GLIS1: variants seen among roughly 807,000 people sequenced by gnomAD.
GLIS1 encodes zinc finger protein GLIS1.
A neutral mutation model predicts 63.8 loss-of-function variants in GLIS1; 24 were observed. The observed-to-expected ratio is 0.38, with a 90% CI of 0.27 to 0.53. The LOEUF is 0.53. GLIS1 is among the 20% of genes least tolerant of loss of function. The pLI is 0.85. For synonymous variants in GLIS1, 450 were observed against 482.5 expected (o/e 0.93, Z 0.88); for missense variants, 1,036 against 1,074.1 (o/e 0.96, Z 0.50).
At position 53,657,059 on chromosome 1, in the gene GLIS1, T is replaced by C. The variant is rs141957981; in HGVS notation, c.260-56781A>G. On this transcript the variant is annotated intron_variant, in intron 2 of 10. Transcript: ENST00000628545. Reference sequence around the variant, plus strand: ...CCTTTGACAAAGGAGACATCACTCATAGACAGCAAGTGGCTGAAGCTGGGT... The same window carrying C: ...CCTTTGACAAAGGAGACATCACTCACAGACAGCAAGTGGCTGAAGCTGGGT... Among the ~76,000 whole-genome samples the C allele has an allele frequency of 2.6e-5, 4 of 152,278 alleles. No homozygotes were observed. The East Asian group carries it at 5.8e-4, about 22-fold the overall frequency.
chr1:53,510,099 G>A, intron 8 of GLIS1, 72 bp from the exon 9 acceptor site: 1 of 863,688 alleles, frequency 1.2e-6, no homozygotes, highest in South Asian at 6.0e-5. Flanking sequence ...GGCTGCTGCG[G>A]CTTACACCCC....
At chr1:53,689,027 C>T (rs976116894) in intron 2 of GLIS1, among the ~76,000 whole-genome samples, 1 of 152,206 alleles carries the variant, frequency 6.6e-6, no homozygotes, top group African/African-American at 2.4e-5. Context: ...CTTCCTCAAG[C>T]CCCCTGCTTT....
intron 2 of GLIS1, among the ~76,000 whole-genome samples, chr1:53,717,178 C>T (rs1207858147): frequency 2.0e-5 from 3 of 152,182 alleles, no homozygotes; most frequent in South Asian, 4.1e-4. Flanking sequence ...GCTGTGATCA[C>T]GGCCAAGGTA....
intron 2 of GLIS1, among the ~76,000 whole-genome samples, chr1:53,679,945 C>T (rs1437981518): frequency 6.6e-6 from 1 of 152,192 alleles, no homozygotes; most frequent in African/African-American, 2.4e-5. Flanking sequence ...ACCCCATGTT[C>T]CTGTGGCACC....
At chr1:53,726,564 G>A (rs1384190201) in intron 2 of GLIS1, among the ~76,000 whole-genome samples, 1 of 152,084 alleles carries the variant, frequency 6.6e-6, no homozygotes, top group Admixed American at 6.5e-5. Context: ...CAATAAACTA[G>A]GGAAGAGGTG....
chr1:53,554,187 G>T (rs1025593265), intron 4 of GLIS1, among the ~76,000 whole-genome samples: 7 of 152,172 alleles, frequency 4.6e-5, no homozygotes, highest in African/African-American at 1.7e-4. Flanking sequence ...TTTCCCATCT[G>T]CTCTCTCATC....
intron 2 of GLIS1, among the ~76,000 whole-genome samples, chr1:53,616,937 A>G (rs1645488956): frequency 6.8e-6 from 1 of 147,562 alleles, no homozygotes; most frequent in African/African-American, 2.5e-5. Flanking sequence ...CCCCAACCCC[A>G]TCTCCACCCC....
chr1:53,712,377 G>A (rs909515577), intron 2 of GLIS1, among the ~76,000 whole-genome samples: 7 of 152,332 alleles, frequency 4.6e-5, no homozygotes, highest in Admixed American at 4.6e-4. Flanking sequence ...TAAATAGCAA[G>A]GGCCCAGAAT....
At chr1:53,521,807 G>C (rs956437957) in intron 6 of GLIS1, among the ~76,000 whole-genome samples, 6 of 152,274 alleles carry the variant, frequency 3.9e-5, no homozygotes, top group African/African-American at 1.4e-4. Flanking sequence ...GCCAGGATGG[G>C]AACAGGGTGA....
At chr1:53,725,756 T>C (rs534017864) in intron 2 of GLIS1, among the ~76,000 whole-genome samples, 1 of 152,214 alleles carries the variant, frequency 6.6e-6, no homozygotes, top group Non-Finnish European at 1.5e-5. Flanking sequence ...GTTTTCAGGC[T>C]AATTCTACAT....
intron 2 of GLIS1, among the ~76,000 whole-genome samples, chr1:53,613,674 TG>T (rs1569920212): frequency 6.6e-6 from 1 of 151,686 alleles, no homozygotes; most frequent in East Asian, 1.9e-4. Context: ...AGTTAATGTG[TG>T]GGAAAAAATG....
rs71722107 is a variant in GLIS1, at chr1:53,539,280, TCACACA to T, written c.1321-9334_1321-9329del. ...CACACACCAAGACCCAGAAACTCCC[TCACACA>T]CACACACACACACTACACCTAAACA... On this transcript the variant is annotated intron_variant, in intron 4 of 10. Coordinates refer to ENST00000628545, the MANE Select transcript of GLIS1 (RefSeq NM_001367484.1). This position sits in a 1 kb window ranked among gnomAD's most constrained non-coding sequence, Gnocchi z 5.0. 9.4e-4 allele frequency among the ~76,000 whole-genome samples: 139 copies of T among 148,084 alleles called. 1 individual carries two copies. Among genetic ancestry groups the T allele is most frequent in the East Asian group, 4.3e-3 (21 of 4,874 alleles).
chr1:53,509,823 G>A (rs1363498444), intron 9 of GLIS1, 26 bp downstream of exon 9: 4 of 1,277,972 alleles, frequency 3.1e-6, no homozygotes, highest in South Asian at 3.6e-5. Context: ...GGGGTTATAC[G>A]GAGCGGGCCC....
intron 2 of GLIS1, among the ~76,000 whole-genome samples, chr1:53,685,363 G>A (rs963475284): frequency 3.3e-5 from 5 of 152,218 alleles, no homozygotes; most frequent in African/African-American, 1.2e-4. Context: ...GAGCGCCGTG[G>A]TGTCTGCGCT....
chr1:53,732,891 T>C lies in GLIS1; in HGVS notation c.259+4915A>G, dbSNP rs150434091. Among the ~76,000 whole-genome samples, 94 of 152,198 alleles carry C rather than the reference T, an allele frequency of 6.2e-4. 1 individual carries two copies. In the East Asian group the frequency reaches 0.015, roughly 25 times the overall value. Reference sequence around the variant, plus strand: ...GTGAGGTTGCTGAAATACTACCACATCGTGTTGAAAACAGAATTCTTTTCC... The same window carrying C: ...GTGAGGTTGCTGAAATACTACCACACCGTGTTGAAAACAGAATTCTTTTCC... On this transcript the variant is annotated intron_variant, in intron 2 of 10. Transcript: ENST00000628545.
At chr1:53,730,289 C>CG (rs1331346765) in intron 2 of GLIS1, among the ~76,000 whole-genome samples, 1 of 152,068 alleles carries the variant, frequency 6.6e-6, no homozygotes, top group Non-Finnish European at 1.5e-5. Flanking sequence ...CAACCTCTGC[C>CG]GGCACGTGTA....
chr1:53,600,690 G>T (rs1471601257), intron 2 of GLIS1, among the ~76,000 whole-genome samples: 2 of 152,192 alleles, frequency 1.3e-5, no homozygotes, highest in East Asian at 3.8e-4. Context: ...GGGGCAGGTG[G>T]CTGCTCAGCT....
chr1:53,626,615 C>T lies in GLIS1; in HGVS notation c.260-26337G>A, dbSNP rs149651110. Among the ~76,000 whole-genome samples, 17 of 152,376 alleles carry T rather than the reference C, an allele frequency of 1.1e-4. No individual in the cohort carries two copies. In the East Asian group the frequency reaches 3.3e-3, roughly 29 times the overall value. On this transcript the variant is annotated intron_variant, in intron 2 of 10. Coordinates refer to ENST00000628545, the MANE Select transcript of GLIS1 (RefSeq NM_001367484.1). ...GTTTTCTGCTCGCTGAGGGCAGGGG[C>T]TTGGTCTATTTTGATGACAACCAAG...
intron 2 of GLIS1, among the ~76,000 whole-genome samples, chr1:53,658,099 G>A (rs1453584849): frequency 6.6e-6 from 1 of 152,098 alleles, no homozygotes; most frequent in Admixed American, 6.5e-5. Flanking sequence ...CCCAGATGGA[G>A]CACACTCTTC....
Sources: allele counts gnomAD v4.1 joint callset (sites outside exome capture counted in the v4.1 genomes callset), GRCh38; gene constraint gnomAD v4.1.1; non-coding constraint Gnocchi (gnomAD v3.1); transcripts MANE v1.5; gene names NCBI Gene and HGNC (gene_info 2026-07-23, HGNC 2026-07-21).